Variants in SELENOF observed in about 807,000 individuals in gnomAD.
SELENOF encodes the protein 15 kDa selenoprotein.
SELENOF carries 16 observed loss-of-function variants against 20.5 expected under a neutral mutation model. The ratio of observed to expected loss-of-function variants is 0.78; its 90% CI spans 0.53 to 1.19. The LOEUF (loss-of-function observed/expected upper bound fraction) is 1.19. Ranked by LOEUF, SELENOF falls within the 50% of genes most tolerant of loss-of-function variation. The pLI is 0.00. For missense variants in SELENOF, 215 were observed against 194.2 expected (o/e 1.11, Z -0.64); for synonymous variants, 78 against 74.5 (o/e 1.05, Z -0.24).
At chr1:86,895,817 C>CA (rs1659507099) in intron 2 of SELENOF, among the ~76,000 whole-genome samples, 1 of 151,966 alleles carries the variant, frequency 6.6e-6, no homozygotes, top group Non-Finnish European at 1.5e-5. Flanking sequence ...AGTGTAAATG[C>CA]AAAAGACTAA....
chr1:86,886,140 T>TACA (rs965849433), intron 2 of SELENOF, among the ~76,000 whole-genome samples: 1 of 152,130 alleles, frequency 6.6e-6, no homozygotes, highest in Non-Finnish European at 1.5e-5. Context: ...ACCCTGACAG[T>TACA]ACACTAGAAT....
At chr1:86,899,626 G>A (rs1659629340) in intron 2 of SELENOF, among the ~76,000 whole-genome samples, 1 of 151,394 alleles carries the variant, frequency 6.6e-6, no homozygotes, top group African/African-American at 2.4e-5. Context: ...CGGGGCGGCT[G>A]GCCTGGCGGG....
chr1:86,893,178 T>A (rs1044799849), intron 2 of SELENOF, among the ~76,000 whole-genome samples: 3 of 152,126 alleles, frequency 2.0e-5, no homozygotes, highest in African/African-American at 7.2e-5. Context: ...AAATAGATAA[T>A]GTAGGTAAAA....
chr1:86,881,612 A>C (rs536440311), intron 2 of SELENOF, among the ~76,000 whole-genome samples: 1 of 152,296 alleles, frequency 6.6e-6, no homozygotes, highest in South Asian at 2.1e-4. Flanking sequence ...AGGTTCTAAA[A>C]CAGCATTTAC....
At chr1:86,864,565 G>A (rs1289432309) in intron 4 of SELENOF, among the ~76,000 whole-genome samples, 2 of 151,916 alleles carry the variant, frequency 1.3e-5, no homozygotes, top group Non-Finnish European at 2.9e-5. Context: ...ACCCATTTGT[G>A]GAGTTTAGAA....
At chr1:86,864,519 G>C (rs1029890600) in intron 4 of SELENOF, among the ~76,000 whole-genome samples, 15 of 152,144 alleles carry the variant, frequency 9.9e-5, no homozygotes, top group African/African-American at 3.6e-4. Context: ...ATGGAGACTA[G>C]CTCAGATGTG....
intron 2 of SELENOF, among the ~76,000 whole-genome samples, chr1:86,898,305 T>C (rs1321834386): frequency 6.6e-6 from 1 of 152,138 alleles, no homozygotes; most frequent in African/African-American, 2.4e-5. Context: ...CAAATAAAAA[T>C]AGTGGAATAT....
intron 1 of SELENOF, among the ~76,000 whole-genome samples, chr1:86,912,867 G>C (rs1228351199): frequency 6.6e-6 from 1 of 151,872 alleles, no homozygotes; most frequent in Non-Finnish European, 1.5e-5. Flanking sequence ...GTTTTAGGGC[G>C]GTTACACAGC....
At chr1:86,906,945 G>A (rs1008553385) in intron 1 of SELENOF, among the ~76,000 whole-genome samples, 5 of 152,310 alleles carry the variant, frequency 3.3e-5, no homozygotes, top group East Asian at 1.9e-4. Flanking sequence ...GTTAACAAAC[G>A]TATAAAACTG....
intron 3 of SELENOF, among the ~76,000 whole-genome samples, chr1:86,876,787 G>A (rs479341): frequency 0.26 from 39,401 of 152,104 alleles, 6,290 homozygotes; most frequent in African/African-American, 0.45. Flanking sequence ...AGAAATGTTA[G>A]AAGTAGCAGA....
chr1:86,866,191 T>C (rs912934214), intron 4 of SELENOF, among the ~76,000 whole-genome samples: 1 of 105,734 alleles, frequency 9.5e-6, no homozygotes, highest in African/African-American at 4.4e-5. Flanking sequence ...AGTAAGACCA[T>C]GTCCAAAAAA....
chr1:86,865,081 CCTCA>C (rs1658557903), intron 4 of SELENOF, among the ~76,000 whole-genome samples: 2 of 151,752 alleles, frequency 1.3e-5, no homozygotes, highest in South Asian at 4.2e-4. Context: ...TTGTAAAAAT[CCTCA>C]ACAAAATATT....
At chr1:86,867,710 A>G (rs1658639777) in intron 4 of SELENOF, among the ~76,000 whole-genome samples, 3 of 150,658 alleles carry the variant, frequency 2.0e-5, no homozygotes, top group South Asian at 4.2e-4. Context: ...AATGCGAACT[A>G]TTAAATTTAA....
intron 2 of SELENOF, among the ~76,000 whole-genome samples, chr1:86,885,056 G>A (rs1570388119): frequency 1.3e-5 from 2 of 152,082 alleles, no homozygotes; most frequent in South Asian, 2.1e-4. Flanking sequence ...TAAAATATGC[G>A]AATTTCCCAT....
At chr1:86,863,702 A>G (rs1658520080) in intron 4 of SELENOF, 97 bp from the exon 5 acceptor site, 1 of 1,117,162 alleles carries the variant, frequency 9.0e-7, no homozygotes, top group South Asian at 2.0e-5. Context: ...TAAATTTAGT[A>G]ATTAAAAAAA....
chr1:86,896,840 A>G (rs1659538215), intron 2 of SELENOF, among the ~76,000 whole-genome samples: 1 of 152,248 alleles, frequency 6.6e-6, no homozygotes, highest in Non-Finnish European at 1.5e-5. Flanking sequence ...TAAGTGAAAT[A>G]TATGAAAAAG....
chr1:86,882,801 A>G (rs1211674658), intron 2 of SELENOF, among the ~76,000 whole-genome samples: 1 of 152,250 alleles, frequency 6.6e-6, no homozygotes. Flanking sequence ...TGGTATATAC[A>G]TACAACAGAG....
chr1:86,901,110 A>G (rs1277939103), intron 2 of SELENOF, among the ~76,000 whole-genome samples: 1 of 152,150 alleles, frequency 6.6e-6, no homozygotes, highest in African/African-American at 2.4e-5. Flanking sequence ...CCAGACTTAA[A>G]TATTTTTAAT....
intron 2 of SELENOF, among the ~76,000 whole-genome samples, chr1:86,899,879 C>A (rs1475283053): frequency 6.7e-6 from 1 of 150,274 alleles, no homozygotes; most frequent in East Asian, 2.1e-4. Context: ...GATGGGGCGG[C>A]TGGGCAGAGA....
Sources: gnomAD v4.1 joint callset for allele counts (sites outside exome capture counted in the v4.1 genomes callset) on GRCh38, gnomAD v4.1.1 for gene constraint, MANE v1.5 for transcripts, NCBI Gene and HGNC (gene_info 2026-07-23, HGNC 2026-07-21) for gene names.